CALN1: variants seen among roughly 807,000 people sequenced by gnomAD.
CALN1 encodes calneuron 1.
A neutral mutation model predicts 30.6 loss-of-function variants in CALN1; 17 were observed. The ratio of observed to expected loss-of-function variants is 0.56; its 90% CI spans 0.38 to 0.83. The LOEUF (loss-of-function observed/expected upper bound fraction) is 0.83, where lower values mean the gene tolerates loss of function less well. Ranked by LOEUF, CALN1 falls within the 40% of genes least tolerant of loss-of-function variation. The probability of loss-of-function intolerance (pLI) is 0.00; values close to 1 mark genes in which losing one functional copy is unlikely to be tolerated. For missense variants in CALN1, 291 were observed against 354.9 expected (o/e 0.82, Z 1.45); for synonymous variants, 156 against 131.4 (o/e 1.19, Z -1.28).
At chr7:72,156,728 T>C (rs2129544557) in intron 3 of CALN1, among the ~76,000 whole-genome samples, 2 of 152,292 alleles carry the variant, frequency 1.3e-5, no homozygotes, top group Non-Finnish European at 2.9e-5. Flanking sequence ...TGTATCATAA[T>C]CTCCTCACTC....
Position 72,275,267 on chromosome 7 carries a change from G to A in CALN1, c.244+3419C>T, listed in dbSNP as rs1468162. Among the ~76,000 whole-genome samples, 23 of 152,180 alleles carry A rather than the reference G, an allele frequency of 1.5e-4. No homozygotes were observed. In the East Asian group the frequency reaches 3.9e-3, roughly 26 times the overall value. On this transcript the variant is annotated intron_variant, in intron 3 of 6. Transcript: ENST00000395275. ...GTGCAGCACCACCTGTCCTCTGAGGGTAAATGAGTGCCCCCAACCAGCAGA... is the reference window on the plus strand; with the variant it reads ...GTGCAGCACCACCTGTCCTCTGAGGATAAATGAGTGCCCCCAACCAGCAGA...
chr7:72,135,267 G>T (rs1217150831), intron 3 of CALN1, among the ~76,000 whole-genome samples: 1 of 152,200 alleles, frequency 6.6e-6, no homozygotes, highest in Non-Finnish European at 1.5e-5. Context: ...TAATGGTATT[G>T]AGAACAGTGA....
intron 3 of CALN1, among the ~76,000 whole-genome samples, chr7:72,273,508 T>A: frequency 8.3e-6 from 1 of 120,108 alleles, no homozygotes; most frequent in Admixed American, 8.5e-5. Flanking sequence ...ATTCTTTTTT[T>A]TTTTTTTTTT....
intron 2 of CALN1, among the ~76,000 whole-genome samples, chr7:72,341,879 A>G: frequency 6.6e-6 from 1 of 152,122 alleles, no homozygotes; most frequent in Non-Finnish European, 1.5e-5. Flanking sequence ...GTCAACACAA[A>G]CACAAATCAA....
intron 5 of CALN1, among the ~76,000 whole-genome samples, chr7:71,887,248 A>C (rs989774407): frequency 2.0e-5 from 3 of 152,178 alleles, no homozygotes; most frequent in African/African-American, 7.2e-5. Context: ...TGTAAAGTCA[A>C]GTGCACCAGG....
intron 5 of CALN1, among the ~76,000 whole-genome samples, chr7:71,908,985 C>T: frequency 6.6e-6 from 1 of 152,162 alleles, no homozygotes; most frequent in East Asian, 1.9e-4. Context: ...GAAATATAAC[C>T]TTAATGACTT....
At chr7:71,966,310 C>A (rs920182280) in intron 5 of CALN1, among the ~76,000 whole-genome samples, 3 of 152,160 alleles carry the variant, frequency 2.0e-5, no homozygotes, top group Non-Finnish European at 2.9e-5. Flanking sequence ...GAATCCTGCC[C>A]TAGGTCAATG....
intron 4 of CALN1, among the ~76,000 whole-genome samples, chr7:72,031,690 C>G (rs1011864517): frequency 7.9e-5 from 12 of 151,198 alleles, no homozygotes; most frequent in Non-Finnish European, 1.3e-4. Flanking sequence ...ACCTCAGCCT[C>G]ACGAGTAGCT....
intron 5 of CALN1, among the ~76,000 whole-genome samples, chr7:72,009,301 C>A (rs1426152864): frequency 4.6e-5 from 7 of 152,076 alleles, no homozygotes; most frequent in Non-Finnish European, 1.5e-5. Context: ...AACTATAGGT[C>A]ACTTTTATTT....
At chr7:72,368,809 C>CTTTTT (rs57192078) in intron 2 of CALN1, among the ~76,000 whole-genome samples, 4 of 101,552 alleles carry the variant, frequency 3.9e-5, no homozygotes, top group Non-Finnish European at 4.0e-5. Flanking sequence ...GTTTGAAACC[C>CTTTTT]TTTTTTTTTT....
At chr7:72,300,694 G>T (rs573699270) in intron 2 of CALN1, among the ~76,000 whole-genome samples, 1 of 152,086 alleles carries the variant, frequency 6.6e-6, no homozygotes, top group Non-Finnish European at 1.5e-5. Context: ...AACTGTATTT[G>T]TCTAATTATA....
At chr7:71,926,568 T>C (rs1380932870) in intron 5 of CALN1, among the ~76,000 whole-genome samples, 2 of 152,262 alleles carry the variant, frequency 1.3e-5, no homozygotes, top group African/African-American at 2.4e-5. Context: ...TCTGCTATTA[T>C]CTCTTCAAGT....
At chr7:72,065,857 C>T (rs1803985343) in intron 4 of CALN1, among the ~76,000 whole-genome samples, 1 of 152,088 alleles carries the variant, frequency 6.6e-6, no homozygotes, top group South Asian at 2.1e-4. Context: ...CACACCATTG[C>T]ACTCCAGCCT....
At chr7:72,014,704 T>C (rs1463535968) in intron 5 of CALN1, among the ~76,000 whole-genome samples, 1 of 152,092 alleles carries the variant, frequency 6.6e-6, no homozygotes, top group East Asian at 1.9e-4. Context: ...CTCTGTTGTC[T>C]AGGCTGGAGT....
At chr7:72,034,353 C>A (rs77251923) in intron 4 of CALN1, among the ~76,000 whole-genome samples, 2,024 of 89,126 alleles carry the variant, frequency 0.023, no homozygotes, top group African/African-American at 0.026. Context: ...GACTCTGTCT[C>A]AAAAAAAAAA....
At chr7:72,151,321 C>T (rs969307492) in intron 3 of CALN1, among the ~76,000 whole-genome samples, 23 of 151,990 alleles carry the variant, frequency 1.5e-4, no homozygotes, top group Non-Finnish European at 1.5e-4. Context: ...TTCATCTTCA[C>T]GCAATCTTCT....
intron 4 of CALN1, among the ~76,000 whole-genome samples, chr7:72,027,840 G>A (rs551644107): frequency 3.1e-4 from 47 of 151,378 alleles, no homozygotes; most frequent in African/African-American, 9.7e-4. Context: ...GGCGGATCAC[G>A]AGGTCAGGAG....
intron 3 of CALN1, among the ~76,000 whole-genome samples, chr7:72,270,886 G>C (rs1226507401): frequency 6.6e-6 from 1 of 152,204 alleles, no homozygotes; most frequent in Non-Finnish European, 1.5e-5. Flanking sequence ...GTGGATCATA[G>C]ATGAAACCCA....
At chr7:72,311,147 G>C (rs1800017838) in intron 2 of CALN1, among the ~76,000 whole-genome samples, 1 of 151,984 alleles carries the variant, frequency 6.6e-6, no homozygotes, top group Non-Finnish European at 1.5e-5. Context: ...TCAACGCAAA[G>C]ATGATGAGGA....
Sources: gnomAD v4.1 joint callset for allele counts (sites outside exome capture counted in the v4.1 genomes callset) on GRCh38, gnomAD v4.1.1 for gene constraint, MANE v1.5 for transcripts, NCBI Gene and HGNC (gene_info 2026-07-23, HGNC 2026-07-21) for gene names.